B3GAT1: variants seen among roughly 807,000 people sequenced by gnomAD.
B3GAT1 encodes the protein galactosylgalactosylxylosylprotein 3-beta-glucuronosyltransferase 1.
B3GAT1 carries 11 observed loss-of-function variants against 28.4 expected under a neutral mutation model. That is an observed-to-expected ratio of 0.39 (90% CI 0.24 to 0.64). The LOEUF is 0.64. Among genes scored for constraint, B3GAT1 ranks in the 30% least tolerant of loss-of-function variants. The pLI is 0.50. For synonymous variants in B3GAT1, 255 were observed against 223.1 expected, an observed-to-expected ratio of 1.14 and a Z score of -1.27; for missense variants, 375 against 491.0, an observed-to-expected ratio of 0.76 and a Z score of 2.23.
chr11:134,401,973 G>T (rs1012794832), intron 1 of B3GAT1, among the ~76,000 whole-genome samples: 1 of 122,880 alleles, frequency 8.1e-6, no homozygotes, highest in African/African-American at 2.7e-5. Flanking sequence ...CCTGGGGCGG[G>T]GGGGGGCGGG....
rs778311563 is a variant in B3GAT1 at position 134,384,133 on chromosome 11, G to A, written c.168C>T (p.Tyr56=). The stretch of plus-strand genomic sequence containing the variant: ...CCACGATGTCGCGGTCAGACGTGCA[G>A]TACTCCCTGGGGTCGGCGCCGGGCG... ...ETPPGADPRE[Y]CTSDRDIVEV... is the part of the protein sequence containing the mutation. The change falls in exon 3 of 6, where the codon TAC becomes TAT. Residue 56 remains tyrosine (Y), a synonymous_variant. Transcript: ENST00000312527. The A allele has an allele frequency of 1.9e-6, 3 of 1,579,144 alleles. No homozygotes were observed.
At chr11:134,406,607 G>A (rs1169610277) in intron 1 of B3GAT1, among the ~76,000 whole-genome samples, 1 of 152,040 alleles carries the variant, frequency 6.6e-6, no homozygotes, top group Non-Finnish European at 1.5e-5. Context: ...TTAAATAAAT[G>A]AATAATAAAA....
chr11:134,397,542 C>G, intron 1 of B3GAT1, among the ~76,000 whole-genome samples: 1 of 141,566 alleles, frequency 7.1e-6, no homozygotes, highest in East Asian at 2.1e-4. Flanking sequence ...ACAGGGGGGG[C>G]CAGAGGGCAG....
intron 2 of B3GAT1, chr11:134,385,081 C>T (rs1752290197): frequency 6.6e-6 from 1 of 152,250 alleles, no homozygotes; most frequent in African/African-American, 2.4e-5. Flanking sequence ...TGCTTAGCTT[C>T]TGGCGCCTCA....
At chr11:134,394,551 A>G (rs1944469527) in intron 1 of B3GAT1, among the ~76,000 whole-genome samples, 1 of 152,058 alleles carries the variant, frequency 6.6e-6, no homozygotes, top group African/African-American at 2.4e-5. Flanking sequence ...GGCCTACCTC[A>G]GTGGTCGGGC....
rs570709277 is a variant in B3GAT1, at chr11:134,383,968, G to C, written c.333C>G (p.His111Gln). 6.2e-7 allele frequency: 1 copy of C among 1,600,932 alleles called. No homozygotes were observed. Residue 111 changes from histidine (H) to glutamine (Q), a missense_variant, in exon 3 of 6, where the codon CAC becomes CAG. Physicochemically the swap from His to Gln is conservative, Grantham distance 24 (BLOSUM62 0). Transcript: ENST00000312527. ...CCACCAGCCAGTGGAGGTTGGGCAC[G>C]TGCAGCAGCGTGTTGGCCATGCGCG... ...ELTRMANTLL[H>Q]VPNLHWLVVE...
rs754973426 is a variant in B3GAT1 at position 134,393,450 on chromosome 11, G to A, written c.-281-5510C>T. ...CAGCCACATCGCAGCATCCCGCTGC[G>A]ATCTCGTTTTGATTTCTTCAAAGTG... On this transcript the variant is annotated intron_variant, in intron 1 of 5. Coordinates refer to ENST00000312527, the MANE Select transcript of B3GAT1 (RefSeq NM_054025.3). The surrounding 1 kb of genome is among the most constrained non-coding windows in gnomAD (Gnocchi z 4.0). Among the ~76,000 whole-genome samples the A allele has an allele frequency of 1.3e-5, 2 of 152,210 alleles. No individual in the cohort carries two copies. The highest frequency in any genetic ancestry group is 2.1e-4 in the South Asian group (1 of 4,830).
Position 134,384,208 on chromosome 11 carries a change from G to A in B3GAT1, c.113-20C>T, listed in dbSNP as rs780868366. ...CCTCATCTGCGGAGTCGGGAGACCG[G>A]CGATGTGGGAGGAGAGCGCCGGCTA... On this transcript the variant is annotated intron_variant, in intron 2 of 5. Coordinates refer to ENST00000312527, the MANE Select transcript of B3GAT1 (RefSeq NM_054025.3). 3 of 1,522,006 alleles carry A rather than the reference G, an allele frequency of 2.0e-6. No homozygotes were observed. The highest frequency in any genetic ancestry group is 3.8e-5 in the Admixed American group (2 of 53,068). The allele number at this position is 1,522,006 out of a possible 1,614,324, so 94.3% of individuals were successfully genotyped here. A position where few individuals can be genotyped will look rare whatever the true frequency, so the allele number is the denominator to read the frequency against.
rs1006642447 is a variant in B3GAT1 at position 134,393,378 on chromosome 11, G to A, written c.-281-5438C>T. On this transcript the variant is annotated intron_variant, in intron 1 of 5. Transcript: ENST00000312527. The surrounding 1 kb of genome is among the most constrained non-coding windows in gnomAD (Gnocchi z 4.0). ...ATCCTTGCTGGCTCTCAGCACTTCC[G>A]CTCAGCCGACACGGGGTCAGGGAGG... Among the ~76,000 whole-genome samples the A allele has an allele frequency of 6.6e-6, 1 of 152,140 alleles. No individual in the cohort carries two copies. The highest frequency in any genetic ancestry group is 2.4e-5 in the African/African-American group (1 of 41,408).
intron 1 of B3GAT1, chr11:134,390,690 G>A (rs924134593): frequency 1.5e-4 from 23 of 152,268 alleles, no homozygotes; most frequent in African/African-American, 5.5e-4. Context: ...CAGTAGGCAT[G>A]GCTGTGGTCC....
intron 1 of B3GAT1, among the ~76,000 whole-genome samples, chr11:134,409,392 G>T (rs1269483896): frequency 2.0e-5 from 3 of 152,154 alleles, no homozygotes; most frequent in Non-Finnish European, 4.4e-5. Flanking sequence ...CTTCCCCACT[G>T]CCCTGCATTC....
At chr11:134,407,624 G>C (rs1007757523) in intron 1 of B3GAT1, among the ~76,000 whole-genome samples, 4 of 152,238 alleles carry the variant, frequency 2.6e-5, no homozygotes, top group African/African-American at 4.8e-5. Flanking sequence ...GGCACTTGGC[G>C]CGGAGGCTGC....
At position 134,387,667 on chromosome 11, in the gene B3GAT1, G is replaced by T. The variant is rs867307330; in HGVS notation, c.-8C>A. 6.2e-7 allele frequency: 1 copy of T among 1,614,000 alleles called. No individual in the cohort carries two copies. The highest frequency in any genetic ancestry group is 8.5e-7 in the Non-Finnish European group (1 of 1,180,012). ...GTCCCGTCTCTTCGGCATCTCCAAG[G>T]CTGGCTGCACCCACGGCTCCTCATT... On this transcript the variant is annotated 5_prime_UTR_variant, in exon 2 of 6. Coordinates refer to ENST00000312527, the MANE Select transcript of B3GAT1 (RefSeq NM_054025.3).
chr11:134,402,009 G>A (rs1207248426), intron 1 of B3GAT1, among the ~76,000 whole-genome samples: 2 of 151,832 alleles, frequency 1.3e-5, no homozygotes, highest in Non-Finnish European at 1.5e-5. Context: ...CGGGAGGCGG[G>A]GCCCCTGGAA....
Position 134,383,750 on chromosome 11 carries a change from T to C in B3GAT1, c.551A>G (p.Asn184Ser). 1 of 1,595,448 alleles carries C rather than the reference T, an allele frequency of 6.3e-7. No homozygotes were observed. ...GTAGACCACGCCAGGCTGGCTGGAG[T>C]TGCGCGGGAAGGTCTCGCGCAGCCA... is the stretch of plus-strand genomic sequence containing the variant. ...LRWLRETFPRNSSQPGVVYFA... is the reference protein window; with the variant it reads ...LRWLRETFPRSSSQPGVVYFA... Residue 184 changes from asparagine to serine, a missense_variant, in exon 3 of 6, where the codon AAC becomes AGC. Asn to Ser is a conservative substitution (Grantham distance 46). Transcript: ENST00000312527.
chr11:134,409,900 C>T (rs1341702367), intron 1 of B3GAT1: 3 of 152,420 alleles, frequency 2.0e-5, no homozygotes, highest in African/African-American at 7.2e-5. Flanking sequence ...ACTCATCCCT[C>T]TCTTCCAGAA....
At chr11:134,387,241 G>A (rs924318569) in intron 2 of B3GAT1, 30 of 282,406 alleles carry the variant, frequency 1.1e-4, no homozygotes, top group Non-Finnish European at 1.8e-4. Flanking sequence ...TCCCACCTCC[G>A]ACCTCAGCAC....
chr11:134,404,615 C>T (rs1944692116), intron 1 of B3GAT1, among the ~76,000 whole-genome samples: 1 of 152,106 alleles, frequency 6.6e-6, no homozygotes, highest in Non-Finnish European at 1.5e-5. Context: ...TCCTGGGAAT[C>T]ACGGGGTGAC....
intron 1 of B3GAT1, among the ~76,000 whole-genome samples, chr11:134,395,279 C>T (rs77897340): frequency 0.12 from 18,930 of 152,074 alleles, 1,260 homozygotes; most frequent in Non-Finnish European, 0.14. Flanking sequence ...GGAGAGGGAG[C>T]GGCAGCTGGA....
Sources: allele counts gnomAD v4.1 joint callset (sites outside exome capture counted in the v4.1 genomes callset), GRCh38; gene constraint gnomAD v4.1.1; non-coding constraint Gnocchi (gnomAD v3.1); transcripts MANE v1.5; gene names NCBI Gene and HGNC (gene_info 2026-07-23, HGNC 2026-07-21).